SLC35F4: variants seen among roughly 807,000 people sequenced by gnomAD.
SLC35F4 encodes the protein solute carrier family 35 member F4, also known as chromosome 14 open reading frame 36.
A neutral mutation model predicts 44.2 loss-of-function variants in SLC35F4; 24 were observed. The observed-to-expected ratio is 0.54, with a 90% confidence interval of 0.39 to 0.76. The LOEUF is 0.76. Ranked by LOEUF, SLC35F4 falls within the 30% of genes least tolerant of loss-of-function variation. The probability of loss-of-function intolerance (pLI) is 0.00; values close to 1 mark genes in which losing one functional copy is unlikely to be tolerated. For missense variants in SLC35F4, 562 were observed against 586.1 expected (o/e 0.96, Z 0.42); for synonymous variants, 238 against 223.6 (o/e 1.06, Z -0.57).
chr14:57,599,455 T>C (rs757599320), intron 1 of SLC35F4, among the ~76,000 whole-genome samples: 12 of 152,174 alleles, frequency 7.9e-5, no homozygotes, highest in Non-Finnish European at 1.2e-4. Flanking sequence ...TGAAACACTG[T>C]ATGTGAGAAA....
intron 1 of SLC35F4, among the ~76,000 whole-genome samples, chr14:57,878,639 A>C (rs1888453653): frequency 6.6e-6 from 1 of 152,058 alleles, no homozygotes. Flanking sequence ...CTTTTCCTTC[A>C]CATCTCAACC....
chr14:57,750,687 T>C (rs2076864114), intron 1 of SLC35F4, among the ~76,000 whole-genome samples: 1 of 152,220 alleles, frequency 6.6e-6, no homozygotes, highest in South Asian at 2.1e-4. Context: ...TTTTGAGAAA[T>C]GTCTATTCGT....
At chr14:57,711,111 T>G (rs1029045784) in intron 1 of SLC35F4, among the ~76,000 whole-genome samples, 4 of 152,082 alleles carry the variant, frequency 2.6e-5, no homozygotes, top group African/African-American at 9.7e-5. Context: ...AGGTACCCAG[T>G]GGGTAGTGAT....
intron 4 of SLC35F4, chr14:57,578,700 ATAT>A (rs1566635992): frequency 6.6e-6 from 1 of 152,122 alleles, no homozygotes; most frequent in Admixed American, 6.5e-5. Context: ...AAAAAGAAAA[ATAT>A]TTGATTTTTA....
At chr14:57,845,147 C>A (rs1277340248) in intron 1 of SLC35F4, among the ~76,000 whole-genome samples, 1 of 152,180 alleles carries the variant, frequency 6.6e-6, no homozygotes, top group Non-Finnish European at 1.5e-5. Context: ...TCCTGTAGAA[C>A]TTCAGGAGGA....
chr14:57,890,001 C>A (rs1036605480), intron 1 of SLC35F4, among the ~76,000 whole-genome samples: 45 of 152,336 alleles, frequency 3.0e-4, no homozygotes, highest in African/African-American at 1.1e-3. Flanking sequence ...TACTGTTCAG[C>A]AAATATTCAC....
intron 1 of SLC35F4, among the ~76,000 whole-genome samples, chr14:57,858,238 T>G (rs57543747): frequency 0.041 from 6,245 of 152,100 alleles, 422 homozygotes; most frequent in African/African-American, 0.12. Flanking sequence ...CACGTATGTT[T>G]ATTGTGGCAC....
intron 4 of SLC35F4, among the ~76,000 whole-genome samples, chr14:57,576,952 T>A (rs983923273): frequency 2.0e-5 from 3 of 152,150 alleles, no homozygotes; most frequent in African/African-American, 7.2e-5. Context: ...ACAACCCAGC[T>A]GTCTCCTCTC....
At chr14:57,916,354 G>C (rs763056654) in intron 1 of SLC35F4, among the ~76,000 whole-genome samples, 2 of 152,106 alleles carry the variant, frequency 1.3e-5, no homozygotes, top group Non-Finnish European at 2.9e-5. Context: ...AATGAGTTTT[G>C]GTGGGGATAT....
Position 57,594,143 on chromosome 14 carries a change from C to A in SLC35F4, c.104-19G>T. ...GAGGTACCTGGAAAGACAGAGTTCA[C>A]GCCAGTTTGAGAACTGCCTGAACAA... On this transcript the variant is annotated intron_variant, in intron 1 of 7. Transcript: ENST00000556826. The A allele has an allele frequency of 6.2e-7, 1 of 1,606,656 alleles. No homozygotes were observed.
At chr14:57,902,415 T>C (rs1164672738) in intron 1 of SLC35F4, among the ~76,000 whole-genome samples, 1 of 151,840 alleles carries the variant, frequency 6.6e-6, no homozygotes, top group Non-Finnish European at 1.5e-5. Context: ...ACTTCAAAAT[T>C]AGCCAGATGT....
intron 1 of SLC35F4, among the ~76,000 whole-genome samples, chr14:57,762,633 C>T (rs929798551): frequency 1.3e-5 from 2 of 151,976 alleles, no homozygotes; most frequent in Admixed American, 1.3e-4. Context: ...AGGGCTCTGC[C>T]CTTATGAATG....
At chr14:57,949,136 CCTA>C (rs1178140908) in intron 1 of SLC35F4, among the ~76,000 whole-genome samples, 1 of 151,980 alleles carries the variant, frequency 6.6e-6, no homozygotes, top group African/African-American at 2.4e-5. Flanking sequence ...ATTGAAATCC[CCTA>C]CTATTATTGT....
intron 1 of SLC35F4, among the ~76,000 whole-genome samples, chr14:57,843,410 A>G (rs1885685883): frequency 1.3e-5 from 2 of 152,046 alleles, no homozygotes; most frequent in Admixed American, 1.3e-4. Flanking sequence ...CTTGATGGCA[A>G]TTCTGTTTGG....
chr14:57,671,132 G>T (rs1300203460), intron 1 of SLC35F4, among the ~76,000 whole-genome samples: 1 of 151,956 alleles, frequency 6.6e-6, no homozygotes, highest in Non-Finnish European at 1.5e-5. Context: ...TCGGTCTCCT[G>T]ACCTCAACTC....
At chr14:57,884,177 A>T (rs1291695921) in intron 1 of SLC35F4, among the ~76,000 whole-genome samples, 1 of 152,194 alleles carries the variant, frequency 6.6e-6, no homozygotes, top group African/African-American at 2.4e-5. Context: ...CAAAGCACTA[A>T]CTATAACTCT....
At position 57,856,854 on chromosome 14, in the gene SLC35F4, A is replaced by G. The variant is rs78007858; in HGVS notation, c.103+8869T>C. 1.5e-3 allele frequency among the ~76,000 whole-genome samples: 225 copies of G among 152,260 alleles called. 3 individuals are homozygous for G. The highest frequency in any genetic ancestry group is 5.1e-3 in the African/African-American group (212 of 41,484). On this transcript the variant is annotated intron_variant, in intron 1 of 7. Transcript: ENST00000556826. ...TAACTTGTTCCAGTGAAAGTGCATA[A>G]GAGTTATACAGTATTAATATTGTAC...
intron 1 of SLC35F4, among the ~76,000 whole-genome samples, chr14:57,745,354 C>T (rs1417250168): frequency 6.6e-6 from 1 of 152,168 alleles, no homozygotes; most frequent in Non-Finnish European, 1.5e-5. Context: ...GGCTAATATC[C>T]AGAATCTACA....
chr14:57,655,848 A>G (rs1291487122), intron 1 of SLC35F4, among the ~76,000 whole-genome samples: 1 of 152,170 alleles, frequency 6.6e-6, no homozygotes. Context: ...TAAAGTGCCA[A>G]AATTTACAAA....
Sources: gnomAD v4.1 joint callset for allele counts (sites outside exome capture counted in the v4.1 genomes callset) on GRCh38, gnomAD v4.1.1 for gene constraint, MANE v1.5 for transcripts, NCBI Gene and HGNC (gene_info 2026-07-23, HGNC 2026-07-21) for gene names.